GALNT2: variants seen among roughly 807,000 people sequenced by gnomAD.
GALNT2 encodes the protein UDP-GalNAc:polypeptide N-acetylgalactosaminyltransferase 2.
Under a neutral mutation model 81.4 loss-of-function variants are expected in GALNT2, and 31 were observed. That is an observed-to-expected ratio of 0.38 (90% CI 0.29 to 0.51). GALNT2 has a LOEUF of 0.51. Among genes scored for constraint, GALNT2 ranks in the 20% least tolerant of loss-of-function variants. The pLI is 0.87. For synonymous variants in GALNT2, 303 were observed against 287.4 expected (o/e 1.05, Z -0.55); for missense variants, 629 against 765.7 (o/e 0.82, Z 2.11).
At chr1:230,128,982 CCTT>C (rs1661282983) in intron 1 of GALNT2, among the ~76,000 whole-genome samples, 1 of 152,250 alleles carries the variant, frequency 6.6e-6, no homozygotes, top group East Asian at 1.9e-4. Flanking sequence ...TCCACCAGCT[CCTT>C]CTTCCTGAAG....
intron 15 of GALNT2, among the ~76,000 whole-genome samples, chr1:230,278,129 TA>T (rs71563436): frequency 0.013 from 1,988 of 149,364 alleles, 20 homozygotes; most frequent in Middle Eastern, 0.049. Context: ...TTTTTTTTTT[TA>T]AGAGACAGGA....
chr1:230,075,140 T>TTTTTTTTTTTTTG (rs1399602658), intron 1 of GALNT2, among the ~76,000 whole-genome samples: 1 of 145,338 alleles, frequency 6.9e-6, no homozygotes, highest in African/African-American at 2.6e-5. Context: ...TTTTTTTTTT[T>TTTTTTTTTTTTTG]TTTGAGACAA....
At chr1:230,146,221 CCCTT>C (rs1661911270) in intron 1 of GALNT2, among the ~76,000 whole-genome samples, 1 of 152,144 alleles carries the variant, frequency 6.6e-6, no homozygotes, top group Non-Finnish European at 1.5e-5. Flanking sequence ...TTTTTCCCCT[CCCTT>C]TTCATGTATC....
chr1:230,270,879 A>G (rs902222837), intron 14 of GALNT2, among the ~76,000 whole-genome samples: 7 of 152,258 alleles, frequency 4.6e-5, no homozygotes, highest in African/African-American at 1.7e-4. Flanking sequence ...TTGAAATGCA[A>G]CAGAAGAACA....
chr1:230,120,353 G>A (rs1660978380), intron 1 of GALNT2, among the ~76,000 whole-genome samples: 1 of 102,876 alleles, frequency 9.7e-6, no homozygotes, highest in Admixed American at 9.1e-5. Context: ...GCCCTTGGAT[G>A]CCTGCCTTGT....
chr1:230,198,603 A>G (rs12742615), intron 2 of GALNT2, among the ~76,000 whole-genome samples: 11,077 of 152,148 alleles, frequency 0.073, 1,002 homozygotes, highest in East Asian at 0.37. Flanking sequence ...AGTCTGTGGG[A>G]CCACCTGAGG....
At chr1:230,100,310 C>CTT (rs573478928) in intron 1 of GALNT2, among the ~76,000 whole-genome samples, 3,398 of 85,708 alleles carry the variant, frequency 0.04, 254 homozygotes, top group African/African-American at 0.048. Context: ...CTTTTTATTC[C>CTT]TTTTTTTTTT....
chr1:230,085,357 A>T (rs1031607558), intron 1 of GALNT2, among the ~76,000 whole-genome samples: 2 of 152,206 alleles, frequency 1.3e-5, no homozygotes, highest in African/African-American at 4.8e-5. Context: ...AACACTGGGC[A>T]TACAGATGAG....
rs189857401 is a variant in GALNT2 at position 230,160,974 on chromosome 1, G to A, written c.127-17244G>A. ...GTCTCCAGTGTTTTTATGGGCAACA[G>A]CCATATACAGTCTACTTCCTATCTA... On this transcript the variant is annotated intron_variant, in intron 1 of 15. Coordinates refer to ENST00000366672, the MANE Select transcript of GALNT2 (RefSeq NM_004481.5). Among the ~76,000 whole-genome samples, 394 of 152,280 alleles carry A rather than the reference G, an allele frequency of 2.6e-3. 2 individuals are homozygous for A. Among genetic ancestry groups the A allele is most frequent in the Admixed American group, 5.2e-3 (80 of 15,296 alleles).
At chr1:230,106,135 A>G (rs950798883) in intron 1 of GALNT2, among the ~76,000 whole-genome samples, 2 of 152,188 alleles carry the variant, frequency 1.3e-5, no homozygotes, top group Non-Finnish European at 2.9e-5. Flanking sequence ...TGCAGTGCAG[A>G]ATTTCCAGGC....
At chr1:230,162,515 C>T (rs951317422) in intron 1 of GALNT2, among the ~76,000 whole-genome samples, 5 of 152,274 alleles carry the variant, frequency 3.3e-5, no homozygotes, top group Middle Eastern at 6.8e-3. Context: ...CTCCTTCTCC[C>T]CAAGGCTGCC....
intron 1 of GALNT2, among the ~76,000 whole-genome samples, chr1:230,160,726 C>T (rs562277990): frequency 1.3e-4 from 19 of 147,756 alleles, no homozygotes; most frequent in Admixed American, 2.0e-4. Context: ...AAAAAAAACA[C>T]GAAACTTTCA....
intron 1 of GALNT2, among the ~76,000 whole-genome samples, chr1:230,098,408 T>C (rs1252168581): frequency 6.6e-6 from 1 of 152,034 alleles, no homozygotes; most frequent in East Asian, 1.9e-4. Context: ...ATGTACATAT[T>C]GAACACTGTT....
At chr1:230,149,070 G>T (rs28663131) in intron 1 of GALNT2, among the ~76,000 whole-genome samples, 1 of 149,570 alleles carries the variant, frequency 6.7e-6, no homozygotes, top group African/African-American at 2.5e-5. Context: ...TTGTAGAGAC[G>T]GCGTTTCTCC....
chr1:230,222,229 T>TA (rs1664572651), intron 3 of GALNT2, among the ~76,000 whole-genome samples: 1 of 151,916 alleles, frequency 6.6e-6, no homozygotes, highest in African/African-American at 2.4e-5. Flanking sequence ...GGTTTCACCA[T>TA]GTTAGCCAGA....
intron 1 of GALNT2, among the ~76,000 whole-genome samples, chr1:230,168,627 C>T (rs1662688794): frequency 6.6e-6 from 1 of 152,214 alleles, no homozygotes; most frequent in Admixed American, 6.5e-5. Flanking sequence ...CAGGAGTTTT[C>T]AGTGTAGTTG....
intron 11 of GALNT2, chr1:230,258,995 C>T (rs1029605128): frequency 7.2e-5 from 11 of 152,106 alleles, no homozygotes; most frequent in Non-Finnish European, 1.0e-4. Flanking sequence ...AGAAGCTGAT[C>T]CAGGGTTTCA....
intron 14 of GALNT2, among the ~76,000 whole-genome samples, chr1:230,267,930 C>T (rs1189112530): frequency 1.3e-5 from 2 of 152,234 alleles, no homozygotes; most frequent in Non-Finnish European, 2.9e-5. Flanking sequence ...CCGTGCGGTG[C>T]TGCTGTGGGT....
Position 230,197,426 on chromosome 1 carries a change from G to GC in GALNT2, c.221-5704dup, listed in dbSNP as rs202025535. 5.4e-3 allele frequency among the ~76,000 whole-genome samples: 826 copies of GC among 152,110 alleles called. 5 individuals are homozygous for GC. Among genetic ancestry groups the GC allele is most frequent in the Non-Finnish European group, 8.3e-3 (563 of 67,978 alleles). The stretch of plus-strand genomic sequence containing the variant: ...GGGATTCCCTCTATGCTTCCTGCTC[G>GC]CCCCCCCGGGGTCAGTTGCAGAGTG... On this transcript the variant is annotated intron_variant, in intron 2 of 15. Transcript: ENST00000366672.
Sources: gnomAD v4.1 joint callset for allele counts (sites outside exome capture counted in the v4.1 genomes callset) on GRCh38, gnomAD v4.1.1 for gene constraint, MANE v1.5 for transcripts, NCBI Gene and HGNC (gene_info 2026-07-23, HGNC 2026-07-21) for gene names.